The following PRKN variants were observed in gnomAD, a reference collection of about 807,000 sequenced individuals.
The protein encoded by PRKN is parkin RBR E3 ubiquitin protein ligase.
PRKN carries 56 observed loss-of-function variants against 59.5 expected under a neutral mutation model. The ratio of observed to expected loss-of-function variants is 0.94; its 90% CI spans 0.76 to 1.18. The LOEUF (loss-of-function observed/expected upper bound fraction) is 1.18, where lower values mean the gene tolerates loss of function less well. Ranked by LOEUF, PRKN falls within the 50% of genes most tolerant of loss-of-function variation. PRKN has a pLI of 0.00. For missense variants in PRKN, 657 were observed against 596.4 expected (o/e 1.10, Z -1.06); for synonymous variants, 250 against 222.1 (o/e 1.13, Z -1.12).
rs114437684 is a variant in PRKN at position 162,307,928 on chromosome 6, C to G, written c.172-45163G>C. Among the ~76,000 whole-genome samples, 1,042 of 152,312 alleles carry G rather than the reference C, an allele frequency of 6.8e-3. 22 individuals carry two copies. Among genetic ancestry groups the G allele is most frequent in the African/African-American group, 0.024 (992 of 41,568 alleles). ...ACAAGAATGATGACCCTAACATTTG[C>G]TTTCAAGATGTTTTGAAATATTTGT... is the stretch of plus-strand genomic sequence containing the variant. On this transcript the variant is annotated intron_variant, in intron 2 of 11. Coordinates refer to ENST00000366898, the MANE Select transcript of PRKN (RefSeq NM_004562.3).
intron 2 of PRKN, among the ~76,000 whole-genome samples, chr6:162,337,064 G>T (rs1783877670): frequency 6.6e-6 from 1 of 152,150 alleles, no homozygotes; most frequent in Non-Finnish European, 1.5e-5. Context: ...GTTTAAACAT[G>T]ACTCTTATGT....
At chr6:162,003,117 A>G (rs982124039) in intron 5 of PRKN, among the ~76,000 whole-genome samples, 3 of 151,716 alleles carry the variant, frequency 2.0e-5, no homozygotes, top group African/African-American at 7.3e-5. Flanking sequence ...TGGTCTATAG[A>G]GGTCAATTAT....
chr6:162,223,210 A>G (rs984201533), intron 3 of PRKN, among the ~76,000 whole-genome samples: 31 of 152,062 alleles, frequency 2.0e-4, no homozygotes, highest in African/African-American at 7.5e-4. Flanking sequence ...ATGGCTGCAC[A>G]GTATTCCATG....
rs372644554 is a variant in PRKN at position 162,285,196 on chromosome 6, C to A, written c.172-22431G>T. Among the ~76,000 whole-genome samples, 101 of 150,676 alleles carry A rather than the reference C, an allele frequency of 6.7e-4. 2 individuals carry two copies. The South Asian group carries it at 0.02, about 30-fold the overall frequency. ...TTCATTTTATACAAGAATTATACAA[C>A]ATTTTACTGGTCCCTCTCGAATTCT... On this transcript the variant is annotated intron_variant, in intron 2 of 11. Transcript: ENST00000366898.
At chr6:161,611,236 T>C (rs1025677073) in intron 7 of PRKN, among the ~76,000 whole-genome samples, 1 of 152,232 alleles carries the variant, frequency 6.6e-6, no homozygotes, top group Non-Finnish European at 1.5e-5. Flanking sequence ...TGTGCGTATA[T>C]GCAGGGCGAG....
chr6:161,801,741 C>T (rs534402549), intron 6 of PRKN, among the ~76,000 whole-genome samples: 71 of 152,232 alleles, frequency 4.7e-4, no homozygotes, highest in African/African-American at 1.5e-3. Flanking sequence ...AGACCAGGAC[C>T]GGCTCCAGCT....
At chr6:162,313,449 T>G (rs1782612980) in intron 2 of PRKN, among the ~76,000 whole-genome samples, 1 of 152,132 alleles carries the variant, frequency 6.6e-6, no homozygotes, top group African/African-American at 2.4e-5. Flanking sequence ...AAGGGCCGAA[T>G]AATATTCTAT....
chr6:162,274,093 G>A lies in PRKN; in HGVS notation c.172-11328C>T, dbSNP rs574742388. 1.3e-4 allele frequency among the ~76,000 whole-genome samples: 19 copies of A among 151,870 alleles called. No individual in the cohort carries two copies. In the South Asian group the frequency reaches 3.1e-3, roughly 25 times the overall value. ...AATTTTTTCCAAATCTGTTTGAATC[G>A]AGATCCAAACAAGTCCATATTTTGG... On this transcript the variant is annotated intron_variant, in intron 2 of 11. Coordinates refer to ENST00000366898, the MANE Select transcript of PRKN (RefSeq NM_004562.3).
intron 4 of PRKN, among the ~76,000 whole-genome samples, chr6:162,138,346 T>C (rs920189555): frequency 3.9e-5 from 6 of 152,172 alleles, no homozygotes; most frequent in African/African-American, 1.4e-4. Context: ...ACCCATAGCA[T>C]TATGGCTCTT....
intron 5 of PRKN, among the ~76,000 whole-genome samples, chr6:162,008,124 G>A (rs1782332142): frequency 6.6e-6 from 1 of 152,196 alleles, no homozygotes; most frequent in Non-Finnish European, 1.5e-5. Flanking sequence ...GGGTATCCAG[G>A]AAAGCTGAGC....
chr6:161,425,064 C>T (rs1283408625), intron 9 of PRKN, among the ~76,000 whole-genome samples: 1 of 151,886 alleles, frequency 6.6e-6, no homozygotes, highest in Non-Finnish European at 1.5e-5. Flanking sequence ...TGTGGAGAAC[C>T]CAATGTTTAT....
chr6:161,546,514 G>T lies in PRKN; in HGVS notation c.1083+2340C>A, dbSNP rs1160246594. ...GGAATGGACATAAGCTTGCAAAAGTGTATGGAGACTGGGGCAAAAAGACAG... is the reference window on the plus strand; with the variant it reads ...GGAATGGACATAAGCTTGCAAAAGTTTATGGAGACTGGGGCAAAAAGACAG... On this transcript the variant is annotated intron_variant, in intron 9 of 11. Transcript: ENST00000366898. The surrounding 1 kb of genome is among the most constrained non-coding windows in gnomAD (Gnocchi z 4.4). Among the ~76,000 whole-genome samples, 1 of 152,196 alleles carries T rather than the reference G, an allele frequency of 6.6e-6. No homozygotes were observed. Among genetic ancestry groups the T allele is most frequent in the Non-Finnish European group, 1.5e-5 (1 of 68,032 alleles).
chr6:161,768,026 A>C (rs1789503897), intron 7 of PRKN, among the ~76,000 whole-genome samples: 1 of 152,198 alleles, frequency 6.6e-6, no homozygotes, highest in African/African-American at 2.4e-5. Context: ...GTTTAGAAAA[A>C]TGAATGGATG....
intron 1 of PRKN, among the ~76,000 whole-genome samples, chr6:162,500,819 A>G (rs555155820): frequency 6.6e-6 from 1 of 152,256 alleles, no homozygotes; most frequent in East Asian, 1.9e-4. Context: ...ATGTTTCTCT[A>G]GGTATATTTA....
At position 161,953,523 on chromosome 6, in the gene PRKN, C is replaced by A. The variant is rs1034563359; in HGVS notation, c.734+19779G>T. On this transcript the variant is annotated intron_variant, in intron 6 of 11. Transcript: ENST00000366898. ...GGATAAATACAAACAGCCAGGTTTACCGGGAAATCACACTCAGTGTCAGGG... is the reference window on the plus strand; with the variant it reads ...GGATAAATACAAACAGCCAGGTTTAACGGGAAATCACACTCAGTGTCAGGG... 2.6e-5 allele frequency among the ~76,000 whole-genome samples: 4 copies of A among 152,152 alleles called. No homozygotes were observed. In the South Asian group the frequency reaches 8.3e-4, roughly 32 times the overall value.
chr6:162,257,974 G>A (rs1308522249), intron 3 of PRKN, among the ~76,000 whole-genome samples: 1 of 151,996 alleles, frequency 6.6e-6, no homozygotes, highest in East Asian at 1.9e-4. Context: ...CCTCTTCTCC[G>A]AGCTCCACCT....
chr6:162,430,816 G>A (rs1452503889), intron 2 of PRKN, among the ~76,000 whole-genome samples: 5 of 152,120 alleles, frequency 3.3e-5, no homozygotes, highest in African/African-American at 1.2e-4. Flanking sequence ...AAAACATATG[G>A]CTGCTAAAAT....
intron 5 of PRKN, among the ~76,000 whole-genome samples, chr6:161,986,461 C>G (rs1781439051): frequency 6.6e-6 from 1 of 150,578 alleles, no homozygotes; most frequent in Non-Finnish European, 1.5e-5. Flanking sequence ...ACTCTGTTCT[C>G]TCCCTGCTCT....
chr6:161,557,146 T>G (rs935962113), intron 8 of PRKN, among the ~76,000 whole-genome samples: 1 of 152,218 alleles, frequency 6.6e-6, no homozygotes, highest in African/African-American at 2.4e-5. Context: ...AAAATACATT[T>G]CATTAGTATG....
Sources: gnomAD v4.1 joint callset for allele counts (sites outside exome capture counted in the v4.1 genomes callset) on GRCh38, gnomAD v4.1.1 for gene constraint, Gnocchi (gnomAD v3.1) non-coding constraint, MANE v1.5 for transcripts, NCBI Gene and HGNC (gene_info 2026-07-23, HGNC 2026-07-21) for gene names.